CEP89: variants seen among roughly 807,000 people sequenced by gnomAD.
CEP89 encodes centrosomal protein of 89 kDa.
A neutral mutation model predicts 97.6 loss-of-function variants in CEP89; 95 were observed. That is an observed-to-expected ratio of 0.97 (90% CI 0.82 to 1.15). The LOEUF (loss-of-function observed/expected upper bound fraction) is 1.15, where lower values mean the gene tolerates loss of function less well. CEP89 is among the 50% of genes most tolerant of loss of function. The pLI is 0.00. For synonymous variants in CEP89, 354 were observed against 349.1 expected, an observed-to-expected ratio of 1.01 and a Z score of -0.16; for missense variants, 869 against 947.7, an observed-to-expected ratio of 0.92 and a Z score of 1.09.
chr19:32,907,273 A>C (rs1969906858), intron 14 of CEP89, among the ~76,000 whole-genome samples: 1 of 152,170 alleles, frequency 6.6e-6, no homozygotes. Flanking sequence ...AGGCAGGAGA[A>C]TCGCTTGAGC....
chr19:32,931,537 T>A lies in CEP89; in HGVS notation c.921A>T (p.Gln307His). The change falls in exon 9 of 19, where the codon CAA becomes CAT. Residue 307 changes from glutamine to histidine, a missense_variant. Gln to His is a conservative substitution (Grantham distance 24, BLOSUM62 0). Transcript: ENST00000305768. ...CATTTTCATCCACCAGTTCTTGAGC[T>A]TGTTTTCGCAGATAAAGTAATTCAG... ...AAPELLYLRKQAQELVDENDG... is the reference protein window; with the variant it reads ...AAPELLYLRKHAQELVDENDG... 1 of 1,583,626 alleles carries A rather than the reference T, an allele frequency of 6.3e-7. No homozygotes were observed. Among genetic ancestry groups the A allele is most frequent in the Non-Finnish European group, 8.5e-7 (1 of 1,172,960 alleles).
chr19:32,959,743 C>T (rs1462323739), intron 3 of CEP89, among the ~76,000 whole-genome samples, 157 bp downstream of exon 3: 2 of 152,160 alleles, frequency 1.3e-5, no homozygotes, highest in Non-Finnish European at 2.9e-5. Flanking sequence ...AACCCAGTGA[C>T]TAAGACTCTA....
intron 2 of CEP89, chr19:32,963,989 A>G (rs1568584792): frequency 6.6e-6 from 1 of 151,026 alleles, no homozygotes; most frequent in Non-Finnish European, 1.5e-5. Flanking sequence ...CACTCTGACC[A>G]AACCAAGTGT....
rs569048939 is a variant in CEP89, at chr19:32,917,994, G to A, written c.1384+230C>T. On this transcript the variant is annotated intron_variant, in intron 13 of 18. Coordinates refer to ENST00000305768, the MANE Select transcript of CEP89 (RefSeq NM_032816.5). The stretch of plus-strand genomic sequence containing the variant: ...TGCTGAGTCTAGCACTATTACCTAC[G>A]AGTGATTTACAAACCCATGGGATGA... Among the ~76,000 whole-genome samples the A allele has an allele frequency of 3.6e-4, 55 of 152,218 alleles. No individual in the cohort carries two copies. In the South Asian group the frequency reaches 0.01, roughly 29 times the overall value.
chr19:32,881,707 T>G (rs1433811784), intron 18 of CEP89, 137 bp downstream of exon 18: 35 of 783,784 alleles, frequency 4.5e-5, no homozygotes, highest in Non-Finnish European at 7.7e-6. Flanking sequence ...AGACCAATAT[T>G]ACATTCAGAT....
At chr19:32,922,342 G>C (rs1970267170) in intron 12 of CEP89, among the ~76,000 whole-genome samples, 1 of 152,060 alleles carries the variant, frequency 6.6e-6, no homozygotes, top group Non-Finnish European at 1.5e-5. Flanking sequence ...AAGAGTTCGA[G>C]ACCAGCTTGG....
chr19:32,928,603 G>GT (rs1218970509), intron 9 of CEP89, among the ~76,000 whole-genome samples: 3 of 152,228 alleles, frequency 2.0e-5, no homozygotes, highest in East Asian at 1.9e-4. Flanking sequence ...GTGAGCTCTG[G>GT]GAACCATGCA....
At chr19:32,945,120 A>G (rs1260514248) in intron 5 of CEP89, among the ~76,000 whole-genome samples, 1 of 152,088 alleles carries the variant, frequency 6.6e-6, no homozygotes, top group Non-Finnish European at 1.5e-5. Context: ...CCCTGTCTCT[A>G]CTAAAAATAC....
At chr19:32,960,430 A>G (rs1971142832) in intron 2 of CEP89, among the ~76,000 whole-genome samples, 1 of 152,180 alleles carries the variant, frequency 6.6e-6, no homozygotes. Context: ...TAAAAGATTT[A>G]AAAGGGGACT....
At chr19:32,894,797 TG>T (rs1191042512) in intron 16 of CEP89, among the ~76,000 whole-genome samples, 1 of 152,220 alleles carries the variant, frequency 6.6e-6, no homozygotes, top group Non-Finnish European at 1.5e-5. Context: ...TCTCTTACTC[TG>T]TCTCTCAGAG....
intron 2 of CEP89, among the ~76,000 whole-genome samples, chr19:32,960,861 C>T (rs1313677993): frequency 1.3e-5 from 2 of 152,032 alleles, no homozygotes; most frequent in Non-Finnish European, 2.9e-5. Context: ...AGCTTGCTGC[C>T]TAGGAAAATT....
Position 32,915,497 on chromosome 19 carries a change from G to C in CEP89, c.1405C>G (p.Leu469Val). Reference protein sequence around the residue: ...LQEVSKLTKQLMLLEAKTHGQ... With the variant: ...LQEVSKLTKQVMLLEAKTHGQ... ...TGGGTTTTTGCCTCCAGGAGCATTA[G>C]TTGTTTAGTCAGCTTAGAAACTGAA... Residue 469 changes from leucine to valine, a missense_variant, in exon 14 of 19, where the codon CTA becomes GTA. Physicochemically the swap from Leu to Val is conservative, Grantham distance 32. Coordinates refer to ENST00000305768, the MANE Select transcript of CEP89 (RefSeq NM_032816.5). 1 of 1,611,222 alleles carries C rather than the reference G, an allele frequency of 6.2e-7. No individual in the cohort carries two copies. The highest frequency in any genetic ancestry group is 8.5e-7 in the Non-Finnish European group (1 of 1,179,358).
chr19:32,887,901 A>C, intron 16 of CEP89, 60 bp from the exon 17 acceptor site: 2 of 995,060 alleles, frequency 2.0e-6, no homozygotes, highest in Non-Finnish European at 3.2e-6. Context: ...ATAACAAACA[A>C]TTATTTTGCA....
rs1322292382 is a variant in CEP89, at chr19:32,930,271, G to A, written c.1029+1158C>T. Among the ~76,000 whole-genome samples the A allele has an allele frequency of 2.6e-5, 4 of 151,764 alleles. No individual in the cohort carries two copies. The South Asian group carries it at 8.4e-4, about 32-fold the overall frequency. ...TCAAACGCCTGACTTCAACTGATCC[G>A]CCCACCTCAGCCTCCCAAAGTGCTG... On this transcript the variant is annotated intron_variant, in intron 9 of 18. Transcript: ENST00000305768.
Position 32,881,870 on chromosome 19 carries a change from C to A in CEP89, c.2109G>T (p.Val703=). ...TGTTCTGCTGCAGCGCCTGGTCCAG[C>A]ACCTCCTGCTTGTCCTTCAGCACCT... ...LHQVLKDKQE[V]LDQALQQNRE... The change falls in exon 18 of 19, where the codon GTG becomes GTT. Residue 703 remains valine, a synonymous_variant. Coordinates refer to ENST00000305768, the MANE Select transcript of CEP89 (RefSeq NM_032816.5). 1.1e-5 allele frequency: 18 copies of A among 1,605,118 alleles called. No individual in the cohort carries two copies. The highest frequency in any genetic ancestry group is 1.4e-5 in the Non-Finnish European group (17 of 1,179,146).
chr19:32,960,287 T>C (rs773409041), intron 2 of CEP89, among the ~76,000 whole-genome samples: 1 of 152,198 alleles, frequency 6.6e-6, no homozygotes, highest in African/African-American at 2.4e-5. Context: ...TTAAATGACT[T>C]GTAAAGATTA....
intron 2 of CEP89, chr19:32,963,797 CTG>C (rs1470496021): frequency 6.6e-6 from 1 of 152,178 alleles, no homozygotes; most frequent in African/African-American, 2.4e-5. Flanking sequence ...CAAACAAGCT[CTG>C]TACATTGGTT....
chr19:32,905,038 T>C (rs950254881), intron 14 of CEP89, among the ~76,000 whole-genome samples: 1 of 152,262 alleles, frequency 6.6e-6, no homozygotes, highest in Non-Finnish European at 1.5e-5. Context: ...CATTTATGAA[T>C]AATGACACTA....
At chr19:32,955,076 C>T (rs73035557) in intron 3 of CEP89, among the ~76,000 whole-genome samples, 21,484 of 151,900 alleles carry the variant, frequency 0.14, 1,917 homozygotes, top group Non-Finnish European at 0.21. Context: ...CATCCACCTC[C>T]CCAGCTCAAG....
Sources: gnomAD v4.1 joint callset for allele counts (sites outside exome capture counted in the v4.1 genomes callset) on GRCh38, gnomAD v4.1.1 for gene constraint, MANE v1.5 for transcripts, NCBI Gene and HGNC (gene_info 2026-07-23, HGNC 2026-07-21) for gene names.